The following ADGRB3 variants were observed in gnomAD, a reference collection of about 807,000 sequenced individuals.
ADGRB3 encodes the protein adhesion G protein-coupled receptor B3, also known as brain-specific angiogenesis inhibitor 3.
A neutral mutation model predicts 193.4 loss-of-function variants in ADGRB3; 37 were observed. That is an observed-to-expected ratio of 0.19 (90% CI 0.15 to 0.25). ADGRB3 has a LOEUF of 0.25. Ranked by LOEUF, ADGRB3 falls within the 10% of genes least tolerant of loss-of-function variation. The probability of loss-of-function intolerance (pLI) is 1.00; values close to 1 mark genes in which losing one functional copy is unlikely to be tolerated. For missense variants in ADGRB3, 1,637 were observed against 1,852.9 expected (o/e 0.88, Z 2.14); for synonymous variants, 690 against 644.2 (o/e 1.07, Z -1.08).
intron 3 of ADGRB3, among the ~76,000 whole-genome samples, chr6:68,873,011 A>T (rs1320997273): frequency 6.6e-6 from 1 of 152,150 alleles, no homozygotes; most frequent in Non-Finnish European, 1.5e-5. Flanking sequence ...GTTTAGATTC[A>T]TTAATGTAGA....
At chr6:69,027,146 A>G (rs1770457712) in intron 13 of ADGRB3, among the ~76,000 whole-genome samples, 5 of 152,072 alleles carry the variant, frequency 3.3e-5, no homozygotes, top group African/African-American at 1.2e-4. Context: ...TACAGCTGTA[A>G]AAATATTTTC....
intron 3 of ADGRB3, among the ~76,000 whole-genome samples, chr6:68,756,460 A>G (rs991090528): frequency 6.6e-6 from 1 of 152,176 alleles, no homozygotes; most frequent in Admixed American, 6.5e-5. Flanking sequence ...CTTGTGGAAG[A>G]AAGTGGTTGC....
chr6:69,234,495 G>A (rs1766219223), intron 18 of ADGRB3, among the ~76,000 whole-genome samples: 1 of 152,058 alleles, frequency 6.6e-6, no homozygotes, highest in Admixed American at 6.6e-5. Flanking sequence ...CAGAAGCCAA[G>A]CAAGTACAAT....
At chr6:68,710,308 G>T (rs562996647) in intron 3 of ADGRB3, among the ~76,000 whole-genome samples, 1 of 152,188 alleles carries the variant, frequency 6.6e-6, no homozygotes, top group African/African-American at 2.4e-5. Flanking sequence ...GGTGCTGTGG[G>T]TTTCTGTTTT....
intron 3 of ADGRB3, among the ~76,000 whole-genome samples, chr6:68,788,804 T>C (rs189188842): frequency 6.6e-6 from 1 of 152,202 alleles, no homozygotes; most frequent in South Asian, 2.1e-4. Context: ...TCTTTGTAGG[T>C]CACTAAGGAC....
At chr6:69,234,910 T>C in intron 18 of ADGRB3, 122 bp from the exon 19 acceptor site, 1 of 685,396 alleles carries the variant, frequency 1.5e-6, no homozygotes, top group Admixed American at 2.8e-5. Context: ...TGGGTAACTA[T>C]CTGGTAACTA....
intron 10 of ADGRB3, among the ~76,000 whole-genome samples, chr6:68,987,085 CAG>C (rs1417595251): frequency 1.3e-5 from 2 of 152,066 alleles, no homozygotes; most frequent in Non-Finnish European, 2.9e-5. Context: ...ATGAATGACA[CAG>C]AAACTTTTAA....
At chr6:68,892,727 C>G (rs143067675) in intron 3 of ADGRB3, among the ~76,000 whole-genome samples, 2 of 151,936 alleles carry the variant, frequency 1.3e-5, no homozygotes, top group Admixed American at 6.6e-5. Flanking sequence ...TTTCCATAAG[C>G]AAGTTTGTTG....
Position 69,076,025 on chromosome 6 carries a change from G to T in ADGRB3, c.2467G>T (p.Asp823Tyr). 1 of 1,611,644 alleles carries T rather than the reference G, an allele frequency of 6.2e-7. No individual in the cohort carries two copies. The highest frequency in any genetic ancestry group is 8.5e-7 in the Non-Finnish European group (1 of 1,178,758). Residue 823 changes from aspartate (D) to tyrosine (Y), a missense_variant, in exon 17 of 32, where the codon GAT (aspartate) becomes TAT (tyrosine). By Grantham distance (160) the Asp-to-Tyr change is radical. Around this residue, in one of 7 missense-constraint regions of ADGRB3, gnomAD observed 641 missense variants for 673.9 expected, o/e 0.95. Transcript: ENST00000370598. ...TTTGAATCCCTATTGTGTATTGTGGGATGACTCCAAAACGTAAGTGACAGA... is the reference window on the plus strand; with the variant it reads ...TTTGAATCCCTATTGTGTATTGTGGTATGACTCCAAAACGTAAGTGACAGA... The part of the protein sequence containing the change: ...GTLNPYCVLW[D>Y]DSKTNESLGT...
chr6:69,364,832 G>A (rs1769534678), intron 29 of ADGRB3, among the ~76,000 whole-genome samples: 1 of 152,092 alleles, frequency 6.6e-6, no homozygotes, highest in Non-Finnish European at 1.5e-5. Flanking sequence ...TGTATACATA[G>A]AGCAAAACAA....
intron 3 of ADGRB3, among the ~76,000 whole-genome samples, chr6:68,886,769 A>G (rs898618149): frequency 2.6e-5 from 4 of 152,068 alleles, no homozygotes; most frequent in African/African-American, 9.7e-5. Context: ...CTCTGTGTAT[A>G]CATAAAATAT....
At chr6:68,776,928 A>T (rs982441545) in intron 3 of ADGRB3, among the ~76,000 whole-genome samples, 1 of 152,152 alleles carries the variant, frequency 6.6e-6, no homozygotes, top group African/African-American at 2.4e-5. Context: ...CTCTTTACAG[A>T]TCTTTAATTA....
intron 17 of ADGRB3, among the ~76,000 whole-genome samples, chr6:69,101,606 C>G (rs1257779073): frequency 6.6e-6 from 1 of 151,604 alleles, no homozygotes; most frequent in African/African-American, 2.4e-5. Context: ...CTGTGAAAGA[C>G]ATAAATTTTA....
chr6:69,112,332 A>T (rs1045616038), intron 17 of ADGRB3, among the ~76,000 whole-genome samples: 2 of 152,230 alleles, frequency 1.3e-5, no homozygotes, highest in Non-Finnish European at 2.9e-5. Flanking sequence ...TCTTTTAGGA[A>T]TTATGGTTTG....
intron 3 of ADGRB3, among the ~76,000 whole-genome samples, chr6:68,897,206 C>G (rs189266848): frequency 3.3e-5 from 5 of 151,646 alleles, no homozygotes; most frequent in Non-Finnish European, 4.4e-5. Context: ...ACAAGAAATA[C>G]AGAGAGGTTT....
At chr6:68,688,992 A>T (rs1267283505) in intron 3 of ADGRB3, among the ~76,000 whole-genome samples, 2 of 152,112 alleles carry the variant, frequency 1.3e-5, no homozygotes, top group Non-Finnish European at 2.9e-5. Context: ...CCACCAAGAC[A>T]CAGATGACAC....
At chr6:69,130,107 A>G (rs1385519094) in intron 17 of ADGRB3, among the ~76,000 whole-genome samples, 1 of 152,064 alleles carries the variant, frequency 6.6e-6, no homozygotes, top group African/African-American at 2.4e-5. Context: ...CAAAGAGCCA[A>G]CAGATTCAGT....
At chr6:68,817,305 ATGTATAT>A (rs1562042251) in intron 3 of ADGRB3, among the ~76,000 whole-genome samples, 2,766 of 43,342 alleles carry the variant, frequency 0.064, 301 homozygotes, top group Middle Eastern at 0.14. Context: ...CCTTTTGTCC[ATGTATAT>A]ATATATATAT....
intron 20 of ADGRB3, among the ~76,000 whole-genome samples, chr6:69,272,304 G>A (rs1392805482): frequency 6.6e-6 from 1 of 152,186 alleles, no homozygotes. Context: ...TGCCCTGGAG[G>A]AGATGGGCAG....
Sources: gnomAD v4.1 joint callset for allele counts (sites outside exome capture counted in the v4.1 genomes callset) on GRCh38, gnomAD v4.1.1 for gene constraint, gnomAD v4.1.1 regional missense constraint, MANE v1.5 for transcripts, NCBI Gene and HGNC (gene_info 2026-07-23, HGNC 2026-07-21) for gene names.